EYS: variants seen among roughly 807,000 people sequenced by gnomAD.
The protein encoded by EYS is protein eyes shut homolog.
In EYS, 250 loss-of-function variants were observed where a neutral mutation model predicts 282.1. The ratio of observed to expected loss-of-function variants is 0.89; its 90% CI spans 0.80 to 0.98. The LOEUF is 0.98. Among genes scored for constraint, EYS ranks in the 50% least tolerant of loss-of-function variants. The pLI, the probability that EYS is intolerant of heterozygous loss-of-function variation, is 0.00. For synonymous variants in EYS, 1,355 were observed against 1,282.9 expected, an observed-to-expected ratio of 1.06 and a Z score of -1.20; for missense variants, 4,016 against 3,709.0, an observed-to-expected ratio of 1.08 and a Z score of -2.15.
intron 5 of EYS, among the ~76,000 whole-genome samples, chr6:65,431,612 A>G (rs139758215): frequency 7.2e-5 from 11 of 152,232 alleles, no homozygotes; most frequent in African/African-American, 2.6e-4. Context: ...TGACAGTAAC[A>G]TTATTAGGTG....
intron 11 of EYS, among the ~76,000 whole-genome samples, chr6:65,333,925 G>T (rs1769887374): frequency 6.7e-6 from 1 of 149,920 alleles, no homozygotes. Context: ...TTTTTTTATT[G>T]CTTTACTTTC....
rs917119449 is a variant in EYS at position 64,330,606 on chromosome 6, G to T, written c.6079-23524C>A. On this transcript the variant is annotated intron_variant, in intron 29 of 42. Transcript: ENST00000503581. ...AACTAGGGTCATGATATCAGCCCAT[G>T]GCATATTTGTTCAAGTGACTAGACT... Among the ~76,000 whole-genome samples the T allele has an allele frequency of 4.6e-5, 7 of 152,262 alleles. No homozygotes were observed. In the East Asian group the frequency reaches 1.2e-3, roughly 25 times the overall value.
At chr6:65,264,051 T>TTTTC (rs921156396) in intron 12 of EYS, among the ~76,000 whole-genome samples, 2 of 152,088 alleles carry the variant, frequency 1.3e-5, no homozygotes, top group Non-Finnish European at 2.9e-5. Flanking sequence ...GACATTTAAA[T>TTTTC]TTTCTTTCTT....
At chr6:64,818,568 G>A (rs1452304246) in intron 21 of EYS, among the ~76,000 whole-genome samples, 7 of 152,114 alleles carry the variant, frequency 4.6e-5, no homozygotes, top group Admixed American at 1.3e-4. Flanking sequence ...GCAGCCTTCC[G>A]TCTGTGGCTG....
At chr6:64,232,644 G>GC (rs993524771) in intron 30 of EYS, among the ~76,000 whole-genome samples, 8 of 151,710 alleles carry the variant, frequency 5.3e-5, no homozygotes, top group South Asian at 2.1e-4. Context: ...ACCAGCCTCG[G>GC]CCCCCCCAGA....
chr6:63,974,395 G>C (rs976137163), intron 35 of EYS, among the ~76,000 whole-genome samples: 2 of 152,016 alleles, frequency 1.3e-5, no homozygotes, highest in African/African-American at 4.8e-5. Flanking sequence ...CATATTTAGA[G>C]TGCTTGTTCT....
chr6:64,589,164 A>G (rs779259647), intron 26 of EYS, among the ~76,000 whole-genome samples: 9 of 152,074 alleles, frequency 5.9e-5, no homozygotes, highest in Non-Finnish European at 5.9e-5. Flanking sequence ...GTACAAGGAC[A>G]ATACCACATT....
intron 8 of EYS, among the ~76,000 whole-genome samples, chr6:65,356,468 A>G (rs1168225999): frequency 6.6e-6 from 1 of 151,946 alleles, no homozygotes; most frequent in African/African-American, 2.4e-5. Flanking sequence ...AAATGACACA[A>G]ATAATATGAA....
At chr6:64,971,228 T>C (rs1396039378) in intron 14 of EYS, among the ~76,000 whole-genome samples, 1 of 151,670 alleles carries the variant, frequency 6.6e-6, no homozygotes, top group Non-Finnish European at 1.5e-5. Flanking sequence ...AGTTCCCAGA[T>C]GCCAATAAGA....
intron 30 of EYS, among the ~76,000 whole-genome samples, chr6:64,245,134 T>C (rs926883160): frequency 1.3e-5 from 2 of 152,006 alleles, no homozygotes; most frequent in South Asian, 2.1e-4. Flanking sequence ...AGCTTCACAA[T>C]AGCAAAGACT....
chr6:65,679,325 T>TAA (rs1251616544), intron 1 of EYS, among the ~76,000 whole-genome samples: 1 of 151,938 alleles, frequency 6.6e-6, no homozygotes, highest in Non-Finnish European at 1.5e-5. Context: ...TGTGTGTATG[T>TAA]AAGTGTATGT....
intron 24 of EYS, among the ~76,000 whole-genome samples, chr6:64,607,827 G>C (rs1582948740): frequency 1.3e-5 from 2 of 152,058 alleles, no homozygotes. Context: ...GTATTCACTG[G>C]ACAAACTACA....
At chr6:65,585,154 A>G (rs1385925219) in intron 2 of EYS, among the ~76,000 whole-genome samples, 1 of 151,936 alleles carries the variant, frequency 6.6e-6, no homozygotes, top group African/African-American at 2.4e-5. Flanking sequence ...CATTAATTCG[A>G]TAATTCAAGA....
At chr6:64,816,900 T>C (rs1437138428) in intron 21 of EYS, among the ~76,000 whole-genome samples, 3 of 151,630 alleles carry the variant, frequency 2.0e-5, no homozygotes, top group Non-Finnish European at 4.4e-5. Flanking sequence ...ATTAAATAAA[T>C]ATGGTGTTTC....
intron 35 of EYS, among the ~76,000 whole-genome samples, chr6:63,958,234 T>C (rs1765904889): frequency 7.1e-6 from 1 of 140,690 alleles, no homozygotes; most frequent in African/African-American, 2.4e-5. Flanking sequence ...GGAACAGCTA[T>C]GGTTCCATAC....
intron 5 of EYS, among the ~76,000 whole-genome samples, chr6:65,473,155 A>C (rs1396198070): frequency 1.3e-5 from 2 of 151,974 alleles, no homozygotes; most frequent in Non-Finnish European, 2.9e-5. Context: ...TACTATATGT[A>C]GACAGATTCA....
At chr6:64,187,941 G>C (rs1764996047) in intron 31 of EYS, among the ~76,000 whole-genome samples, 1 of 151,830 alleles carries the variant, frequency 6.6e-6, no homozygotes, top group African/African-American at 2.4e-5. Flanking sequence ...AAAATTATTT[G>C]TGTATTCTGA....
intron 31 of EYS, among the ~76,000 whole-genome samples, chr6:64,197,759 GT>G (rs1322722978): frequency 7.3e-6 from 1 of 137,756 alleles, no homozygotes; most frequent in Non-Finnish European, 1.6e-5. Context: ...ATTTTATCTT[GT>G]TTAGGATTGA....
At chr6:65,548,801 G>C (rs1376029610) in intron 2 of EYS, among the ~76,000 whole-genome samples, 1 of 152,188 alleles carries the variant, frequency 6.6e-6, no homozygotes, top group Non-Finnish European at 1.5e-5. Context: ...CAAATACACA[G>C]ACAATTCAAC....
Sources: gnomAD v4.1 joint callset for allele counts (sites outside exome capture counted in the v4.1 genomes callset) on GRCh38, gnomAD v4.1.1 for gene constraint, MANE v1.5 for transcripts, NCBI Gene and HGNC (gene_info 2026-07-23, HGNC 2026-07-21) for gene names.